TNFSF11: variants seen among roughly 807,000 people sequenced by gnomAD.
TNFSF11 encodes tumor necrosis factor ligand superfamily member 11.
TNFSF11 carries 12 observed loss-of-function variants against 32.2 expected under a neutral mutation model. That is an observed-to-expected ratio of 0.37 (90% CI 0.24 to 0.60). The LOEUF is 0.60. Among genes scored for constraint, TNFSF11 ranks in the 20% least tolerant of loss-of-function variants. The pLI is 0.66. For missense variants in TNFSF11, 345 were observed against 398.0 expected (o/e 0.87, Z 1.13); for synonymous variants, 172 against 152.1 (o/e 1.13, Z -0.96).
upstream of TNFSF11, among the ~76,000 whole-genome samples, chr13:42,569,932 C>A (rs1463678864): frequency 6.6e-6 from 1 of 151,708 alleles, no homozygotes; most frequent in Non-Finnish European, 1.5e-5. Flanking sequence ...TTTTGAAAAT[C>A]TGTTTTTTTA....
At chr13:42,600,385 G>T (rs1265579923) in intron 2 of TNFSF11, among the ~76,000 whole-genome samples, 2 of 152,168 alleles carry the variant, frequency 1.3e-5, no homozygotes, top group South Asian at 2.1e-4. Context: ...ATTTAAGAGG[G>T]TCATATATTC....
upstream of TNFSF11, among the ~76,000 whole-genome samples, chr13:42,569,547 C>CAAAA (rs71298952): frequency 3.0e-5 from 4 of 134,202 alleles, no homozygotes; most frequent in East Asian, 2.1e-4. Context: ...CACTCTGTCT[C>CAAAA]AAAAAAAAAA....
chr13:42,590,574 C>G (rs9566990), intron 2 of TNFSF11, among the ~76,000 whole-genome samples: 53,444 of 152,026 alleles, frequency 0.35, 9,655 homozygotes, highest in Middle Eastern at 0.52. Flanking sequence ...GAAAGCACTG[C>G]CAATGGAAGG....
rs760635415 is a variant in TNFSF11 at position 42,600,920 on chromosome 13, G to A, written c.471G>A (p.Arg157=). ...VDGSWLDLAK[R]SKLEAQPFAH... is the part of the protein sequence containing the mutation. ...GCTCATGGTTAGATCTGGCCAAGAG[G>A]AGCAAGCTTGAAGCTCAGCCTTTTG... is the stretch of plus-strand genomic sequence containing the variant. Residue 157 remains arginine, a synonymous_variant, in exon 4 of 5, where the codon AGG becomes AGA. Transcript: ENST00000398795. 6.2e-7 allele frequency: 1 copy of A among 1,614,054 alleles called. No individual in the cohort carries two copies. The highest frequency in any genetic ancestry group is 1.1e-5 in the South Asian group (1 of 91,068).
intron 2 of TNFSF11, among the ~76,000 whole-genome samples, chr13:42,568,512 T>C (rs1405402685): frequency 6.6e-6 from 1 of 152,254 alleles, no homozygotes; most frequent in Non-Finnish European, 1.5e-5. Flanking sequence ...TGTCATCACA[T>C]ACTAGTTAAT....
At chr13:42,574,619 G>A (rs1873218309) in intron 1 of TNFSF11, 97 bp downstream of exon 1, 1 of 1,400,446 alleles carries the variant, frequency 7.1e-7, no homozygotes, top group South Asian at 1.2e-5. Context: ...GGGCCACCCA[G>A]AGCTTGCATA....
intron 2 of TNFSF11, among the ~76,000 whole-genome samples, chr13:42,592,688 G>A (rs1566383342): frequency 6.6e-6 from 1 of 152,182 alleles, no homozygotes; most frequent in Admixed American, 6.5e-5. Flanking sequence ...TTGGCTCTGT[G>A]TCTCCACCCA....
intron 4 of TNFSF11, 24 bp from the exon 5 acceptor site, chr13:42,606,473 A>G: frequency 6.2e-7 from 1 of 1,614,184 alleles, no homozygotes; most frequent in Non-Finnish European, 8.5e-7. Context: ...TGACTTTCAA[A>G]TCTTATGCCT....
At chr13:42,594,595 T>C (rs1040457757) in intron 2 of TNFSF11, among the ~76,000 whole-genome samples, 2 of 152,202 alleles carry the variant, frequency 1.3e-5, no homozygotes, top group African/African-American at 4.8e-5. Context: ...GAGTTGAAAA[T>C]ACTCCTAAGT....
intron 4 of TNFSF11, among the ~76,000 whole-genome samples, chr13:42,602,206 C>T (rs1246663197): frequency 6.6e-6 from 1 of 152,168 alleles, no homozygotes; most frequent in Non-Finnish European, 1.5e-5. Context: ...TATGCTTCAG[C>T]TTCATCATGT....
At chr13:42,585,048 A>G (rs1219145828) in intron 2 of TNFSF11, among the ~76,000 whole-genome samples, 1 of 152,210 alleles carries the variant, frequency 6.6e-6, no homozygotes, top group Non-Finnish European at 1.5e-5. Context: ...GCACCTTGCC[A>G]TGTCTTTCCC....
At chr13:42,592,448 G>A (rs894670193) in intron 2 of TNFSF11, among the ~76,000 whole-genome samples, 2 of 152,188 alleles carry the variant, frequency 1.3e-5, no homozygotes, top group African/African-American at 4.8e-5. Context: ...GATGCTTAGG[G>A]CCAGGTATGG....
chr13:42,599,372 C>CTATCTATCTATCTATT lies in TNFSF11; in HGVS notation c.388-1367_388-1366insATTTATCTATCTATCT, dbSNP rs1555310750. 5.9e-3 allele frequency among the ~76,000 whole-genome samples: 896 copies of CTATCTATCTATCTATT among 150,936 alleles called. 5 individuals are homozygous for CTATCTATCTATCTATT. The highest frequency in any genetic ancestry group is 0.012 in the African/African-American group (497 of 40,980). Reference sequence around the variant, plus strand: ...ATCATCTATCTATCTATCTATCTATCTATCTATCTATCTGTCTATCTCAAA... The same window carrying CTATCTATCTATCTATT: ...ATCATCTATCTATCTATCTATCTATCTATCTATCTATCTATTTATCTATCTATCTGTCTATCTCAAA... On this transcript the variant is annotated intron_variant, in intron 2 of 4. Transcript: ENST00000398795.
At chr13:42,566,274 G>A (rs1355585080) in intron 1 of TNFSF11, among the ~76,000 whole-genome samples, 3 of 152,148 alleles carry the variant, frequency 2.0e-5, no homozygotes, top group Non-Finnish European at 4.4e-5. Context: ...TCCTGGTGAG[G>A]AAGCATCTTC....
chr13:42,601,260 C>T (rs1869157756), intron 4 of TNFSF11, among the ~76,000 whole-genome samples: 1 of 152,188 alleles, frequency 6.6e-6, no homozygotes, highest in African/African-American at 2.4e-5. Flanking sequence ...CCTGGAAGGA[C>T]AATCCTTTGT....
chr13:42,564,690 T>A, intron 1 of TNFSF11, among the ~76,000 whole-genome samples: 1 of 152,260 alleles, frequency 6.6e-6, no homozygotes, highest in Non-Finnish European at 1.5e-5. Flanking sequence ...TGTCATGTCA[T>A]GTGATTTTGA....
intron 2 of TNFSF11, among the ~76,000 whole-genome samples, chr13:42,598,415 G>C (rs1868938669): frequency 6.6e-6 from 1 of 152,156 alleles, no homozygotes; most frequent in African/African-American, 2.4e-5. Flanking sequence ...ACAATGTTTA[G>C]AGATATGCTG....
At chr13:42,564,285 A>G (rs1462860333) in intron 1 of TNFSF11, among the ~76,000 whole-genome samples, 1 of 152,172 alleles carries the variant, frequency 6.6e-6, no homozygotes, top group Non-Finnish European at 1.5e-5. Flanking sequence ...AAATTATTGT[A>G]GGCTGGGCAC....
rs765164850 is a variant in TNFSF11 at position 42,574,427 on chromosome 13, C to T, written c.124C>T (p.Pro42Ser). 6.3e-6 allele frequency: 10 copies of T among 1,598,178 alleles called. No individual in the cohort carries two copies. The highest frequency in any genetic ancestry group is 8.5e-6 in the Non-Finnish European group (10 of 1,175,174). Residue 42 changes from proline to serine, a missense_variant, in exon 1 of 5, where the codon CCT becomes TCT. Physicochemically the swap from Pro to Ser is moderately conservative, Grantham distance 74. This residue lies in a region of TNFSF11 where 197 missense variants were observed against 182.0 expected (regional missense o/e 1.08). Transcript: ENST00000398795. ...GCCGCCGCCTGCGCCGCACCAGCCC[C>T]CTGCCGCCTCCCGCTCCATGTTCGT... ...APPPPAPHQP[P>S]AASRSMFVAL...
Sources: gnomAD v4.1 joint callset for allele counts (sites outside exome capture counted in the v4.1 genomes callset) on GRCh38, gnomAD v4.1.1 for gene constraint, gnomAD v4.1.1 regional missense constraint, MANE v1.5 for transcripts, NCBI Gene and HGNC (gene_info 2026-07-23, HGNC 2026-07-21) for gene names.